SPATA6: variants seen among roughly 807,000 people sequenced by gnomAD.
The protein encoded by SPATA6 is spermatogenesis-associated protein 6.
A neutral mutation model predicts 65.3 loss-of-function variants in SPATA6; 56 were observed. The observed-to-expected ratio is 0.86, with a 90% CI of 0.69 to 1.07. The LOEUF is 1.07. Ranked by LOEUF, SPATA6 falls within the 50% of genes least tolerant of loss-of-function variation. The pLI, the probability that SPATA6 is intolerant of heterozygous loss-of-function variation, is 0.00. For synonymous variants in SPATA6, 199 were observed against 213.2 expected (o/e 0.93, Z 0.58); for missense variants, 590 against 594.8 (o/e 0.99, Z 0.08).
intron 3 of SPATA6, among the ~76,000 whole-genome samples, chr1:48,442,303 T>C (rs558264024): frequency 6.6e-6 from 1 of 152,308 alleles, no homozygotes; most frequent in Admixed American, 6.5e-5. Context: ...TATCCTTATC[T>C]AATCCTACAT....
chr1:48,266,694 A>G, the SPATA6 span, among the ~76,000 whole-genome samples: 1 of 152,214 alleles, frequency 6.6e-6, no homozygotes, highest in Non-Finnish European at 1.5e-5. Flanking sequence ...AAAAGCTGGC[A>G]TCTTTTCTTT....
chr1:48,420,532 T>C (rs763536438), intron 3 of SPATA6, among the ~76,000 whole-genome samples: 1 of 152,130 alleles, frequency 6.6e-6, no homozygotes, highest in Admixed American at 6.5e-5. Context: ...CAAAATTAAA[T>C]TGGAGGACAC....
the SPATA6 span, among the ~76,000 whole-genome samples, chr1:48,267,752 G>GTTTTTTTTTTTTTTTT: frequency 1.4e-5 from 1 of 72,676 alleles, no homozygotes; most frequent in Non-Finnish European, 2.4e-5. Flanking sequence ...TAGGGTCTGG[G>GTTTTTTTTTTTTTTTT]TTTTTTTTTT....
chr1:48,311,561 C>A (rs77967614), intron 11 of SPATA6, among the ~76,000 whole-genome samples: 1 of 151,888 alleles, frequency 6.6e-6, no homozygotes, highest in African/African-American at 2.4e-5. Context: ...AATTAGTAAT[C>A]AAAAAAACTT....
intron 12 of SPATA6, among the ~76,000 whole-genome samples, chr1:48,302,464 G>A (rs1389974884): frequency 1.3e-5 from 2 of 152,166 alleles, no homozygotes; most frequent in East Asian, 3.9e-4. Flanking sequence ...CATTTACAAT[G>A]AGAACATGTG....
chr1:48,349,765 T>C (rs1646467009), intron 11 of SPATA6, among the ~76,000 whole-genome samples: 1 of 152,068 alleles, frequency 6.6e-6, no homozygotes, highest in South Asian at 2.1e-4. Context: ...TTAAGCTGTA[T>C]TTAAGATTCA....
intron 12 of SPATA6, 41 bp downstream of exon 12, chr1:48,305,746 A>G: frequency 7.0e-7 from 1 of 1,436,150 alleles, no homozygotes; most frequent in Non-Finnish European, 9.5e-7. Flanking sequence ...AGTTATTTTT[A>G]TCAGAACTAT....
intron 11 of SPATA6, among the ~76,000 whole-genome samples, chr1:48,337,717 C>T (rs1646098605): frequency 6.6e-6 from 1 of 151,718 alleles, no homozygotes; most frequent in Non-Finnish European, 1.5e-5. Context: ...CAAGAAAAAA[C>T]AGAATTGTAA....
In SPATA6 at chr1:48,471,994, C is replaced by T. The variant is rs552520265; in HGVS notation, c.15G>A (p.Lys5=). 7.1e-5 allele frequency: 113 copies of T among 1,585,372 alleles called. 1 individual carries two copies. In the South Asian group the frequency reaches 1.2e-3, roughly 17 times the overall value. MPKV[K]ALQCALALEI... ...CCAGCGCCAGGGCGCACTGCAGCGC[C>T]TTCACCTTCGGCATCCGTGCGGGGA... Residue 5 remains lysine (K), a synonymous_variant, in exon 1 of 13, where the codon AAG becomes AAA. Coordinates refer to ENST00000371847, the MANE Select transcript of SPATA6 (RefSeq NM_019073.4).
At chr1:48,390,056 C>T (rs898806286) in intron 8 of SPATA6, among the ~76,000 whole-genome samples, 1 of 152,084 alleles carries the variant, frequency 6.6e-6, no homozygotes, top group African/African-American at 2.4e-5. Flanking sequence ...ACAACTACCA[C>T]ACAATCAGCA....
At chr1:48,428,816 T>C (rs1292209340) in intron 3 of SPATA6, among the ~76,000 whole-genome samples, 2 of 149,212 alleles carry the variant, frequency 1.3e-5, no homozygotes, top group Non-Finnish European at 3.0e-5. Context: ...TGTGTATATG[T>C]ATATATATGT....
At chr1:48,425,564 T>C (rs1653759740) in intron 3 of SPATA6, among the ~76,000 whole-genome samples, 1 of 152,148 alleles carries the variant, frequency 6.6e-6, no homozygotes, top group African/African-American at 2.4e-5. Context: ...TAGCAAAACT[T>C]AAGCTACAGT....
chr1:48,391,033 A>C (rs1247840083), intron 8 of SPATA6, among the ~76,000 whole-genome samples: 1 of 152,094 alleles, frequency 6.6e-6, no homozygotes, highest in Admixed American at 6.6e-5. Context: ...TACAAGTCTA[A>C]TATATAGCAT....
chr1:48,281,785 A>G, the SPATA6 span, among the ~76,000 whole-genome samples: 1 of 152,138 alleles, frequency 6.6e-6, no homozygotes, highest in Admixed American at 6.6e-5. Context: ...ATTCAATGCC[A>G]TCCCCATCAA....
downstream of SPATA6, among the ~76,000 whole-genome samples, chr1:48,291,522 C>T (rs1443031314): frequency 6.6e-6 from 1 of 151,740 alleles, no homozygotes; most frequent in East Asian, 1.9e-4. Flanking sequence ...AGTCGGCAGC[C>T]ACAGGCCTCA....
intron 11 of SPATA6, among the ~76,000 whole-genome samples, chr1:48,311,845 C>A (rs1474142642): frequency 6.6e-6 from 1 of 152,160 alleles, no homozygotes; most frequent in African/African-American, 2.4e-5. Context: ...CAGATGGTAC[C>A]TGGAAATTCG....
intron 11 of SPATA6, among the ~76,000 whole-genome samples, chr1:48,306,280 A>G (rs1645060317): frequency 6.6e-6 from 1 of 151,978 alleles, no homozygotes; most frequent in African/African-American, 2.4e-5. Context: ...GCATTCTAAC[A>G]TGCACCTATG....
intron 11 of SPATA6, among the ~76,000 whole-genome samples, chr1:48,342,100 A>C (rs1185532711): frequency 6.6e-6 from 1 of 152,230 alleles, no homozygotes; most frequent in Non-Finnish European, 1.5e-5. Flanking sequence ...TTTCTTGTGA[A>C]GGGCCAGGTA....
chr1:48,381,406 A>C (rs1360452832), intron 9 of SPATA6, among the ~76,000 whole-genome samples: 1 of 152,178 alleles, frequency 6.6e-6, no homozygotes, highest in Non-Finnish European at 1.5e-5. Flanking sequence ...GCTTAGAATA[A>C]ATATTTATAA....
Sources: allele counts gnomAD v4.1 joint callset (sites outside exome capture counted in the v4.1 genomes callset), GRCh38; gene constraint gnomAD v4.1.1; transcripts MANE v1.5; gene names NCBI Gene and HGNC (gene_info 2026-07-23, HGNC 2026-07-21).